The following A1CF variants were observed in gnomAD, a reference collection of about 807,000 sequenced individuals.
A1CF encodes the protein APOBEC1 complementation factor, also known as APOBEC-1 stimulating protein.
Under a neutral mutation model 68.9 loss-of-function variants are expected in A1CF, and 48 were observed. The observed-to-expected ratio is 0.70, with a 90% confidence interval of 0.55 to 0.89. The LOEUF (loss-of-function observed/expected upper bound fraction) is 0.89, where lower values mean the gene tolerates loss of function less well. Ranked by LOEUF, A1CF falls within the 40% of genes least tolerant of loss-of-function variation. A1CF has a pLI of 0.00. For synonymous variants in A1CF, 272 were observed against 260.4 expected, an observed-to-expected ratio of 1.04 and a Z score of -0.43; for missense variants, 653 against 718.9, an observed-to-expected ratio of 0.91 and a Z score of 1.05.
At chr10:50,815,755 G>A (rs2132335604) in intron 9 of A1CF, among the ~76,000 whole-genome samples, 1 of 152,220 alleles carries the variant, frequency 6.6e-6, no homozygotes, top group East Asian at 1.9e-4. Flanking sequence ...AAATTTTATG[G>A]GCCCATGCAA....
In A1CF at chr10:50,816,126, A is replaced by G; in HGVS notation, c.1021T>C (p.Tyr341His). The G allele has an allele frequency of 6.2e-7, 1 of 1,613,796 alleles. No homozygotes were observed. Among genetic ancestry groups the G allele is most frequent in the Non-Finnish European group, 8.5e-7 (1 of 1,179,860 alleles). ...LGQVYDPTTT[Y>H]LGAPVFYAPQ... ...GCATAGAAGACAGGAGCTCCAAGGTAGGTTGTGGTGGGATCATAAACTTGG... is the reference window on the plus strand; with the variant it reads ...GCATAGAAGACAGGAGCTCCAAGGTGGGTTGTGGTGGGATCATAAACTTGG... The change falls in exon 9 of 13, where the codon TAC becomes CAC. Residue 341 changes from tyrosine (Y) to histidine (H), a missense_variant. Transcript: ENST00000373997.
chr10:50,873,764 G>A (rs1841379690), intron 1 of A1CF, among the ~76,000 whole-genome samples: 1 of 151,998 alleles, frequency 6.6e-6, no homozygotes, highest in Non-Finnish European at 1.5e-5. Context: ...ATCCTATATG[G>A]AATCATTCTA....
At position 50,811,062 on chromosome 10, in the gene A1CF, G is replaced by C; in HGVS notation, c.1438C>G (p.Leu480Val). ...CACATTGCAGGATTCTGGCTGGCTA[G>C]AGCAGGAATAGTTATTTTGTACAAG... ...LFLYKITIPA[L>V]ASQNPAIHPF... is the part of the protein sequence containing the mutation. The change falls in exon 11 of 13, where the codon CTA becomes GTA. Residue 480 changes from leucine (L) to valine (V), a missense_variant. By Grantham distance (32) the Leu-to-Val change is conservative. Transcript: ENST00000373997. 6.2e-7 allele frequency: 1 copy of C among 1,613,328 alleles called. No homozygotes were observed. The highest frequency in any genetic ancestry group is 8.5e-7 in the Non-Finnish European group (1 of 1,179,492).
intron 3 of A1CF, among the ~76,000 whole-genome samples, chr10:50,857,186 G>A (rs964976856): frequency 8.5e-5 from 13 of 152,148 alleles, no homozygotes; most frequent in Admixed American, 5.9e-4. Context: ...TAAAATTGGT[G>A]CATAATAATT....
intron 1 of A1CF, among the ~76,000 whole-genome samples, chr10:50,877,666 C>A (rs896400733): frequency 6.6e-6 from 1 of 152,218 alleles, no homozygotes; most frequent in African/African-American, 2.4e-5. Context: ...CTGATCTTTT[C>A]TTTCATAGTG....
At chr10:50,848,344 A>T (rs1369913776) in intron 3 of A1CF, among the ~76,000 whole-genome samples, 1 of 152,234 alleles carries the variant, frequency 6.6e-6, no homozygotes, top group Non-Finnish European at 1.5e-5. Context: ...AAAAGACTAG[A>T]ATAAAGGTCC....
rs143123872 is a variant in A1CF at position 50,836,218 on chromosome 10, A to G, written c.460T>C (p.Ser154Pro). 1,424 of 1,613,994 alleles carry G rather than the reference A, an allele frequency of 8.8e-4. 7 individuals are homozygous for G. Among genetic ancestry groups the G allele is most frequent in the South Asian group, 4.2e-3 (386 of 91,078 alleles). ...PKTKKREEIL[S>P]EMKKVTEGVV... ...CCTTCAGTAACCTTTTTCATCTCCG[A>G]TAAGATTTCTTCTCTCTTTTTGGTT... The change falls in exon 6 of 13, where the codon TCG (serine) becomes CCG (proline). Residue 154 changes from serine (S) to proline (P), a missense_variant. Physicochemically the swap from Ser to Pro is moderately conservative, Grantham distance 74. Transcript: ENST00000373997.
chr10:50,841,956 A>C lies in A1CF; in HGVS notation c.271T>G (p.Phe91Val), dbSNP rs1358129944. Residue 91 changes from phenylalanine (F) to valine (V), a missense_variant, in exon 5 of 13, where the codon TTT becomes GTT. Transcript: ENST00000373997. ...GCATATCCTCTATTGTTGCCATTAA[A>C]ATCCATCATCATTCTCATTTCATAA... ...KIYEMRMMMD[F>V]NGNNRGYAFV... 6.2e-7 allele frequency: 1 copy of C among 1,611,272 alleles called. No individual in the cohort carries two copies. Among genetic ancestry groups the C allele is most frequent in the Admixed American group, 1.7e-5 (1 of 59,822 alleles).
In A1CF at chr10:50,810,001, T is replaced by C; in HGVS notation, c.1502A>G (p.Glu501Gly). ...TPPKLSAFVD[E>G]AKTYAAEYTL... ...GTATTCGGCTGCATACGTCTTTGCT[T>C]CATCCACAAAGGCACTCAGCTTTGG... Residue 501 changes from glutamate to glycine, a missense_variant, in exon 12 of 13, where the codon GAA (glutamate) becomes GGA (glycine). Glu to Gly is a moderately conservative substitution (Grantham distance 98). Coordinates refer to ENST00000373997, the MANE Select transcript of A1CF (RefSeq NM_014576.4). The C allele has an allele frequency of 6.2e-7, 1 of 1,613,968 alleles. No individual in the cohort carries two copies. Among genetic ancestry groups the C allele is most frequent in the South Asian group, 1.1e-5 (1 of 91,070 alleles).
At chr10:50,857,450 A>T (rs1564525143) in intron 3 of A1CF, among the ~76,000 whole-genome samples, 1 of 152,178 alleles carries the variant, frequency 6.6e-6, no homozygotes, top group Non-Finnish European at 1.5e-5. Context: ...TTCCATTGTT[A>T]ACTGTCACCC....
At chr10:50,884,608 A>G (rs192141946) in intron 1 of A1CF, among the ~76,000 whole-genome samples, 8 of 152,370 alleles carry the variant, frequency 5.3e-5, no homozygotes, top group African/African-American at 1.2e-4. Flanking sequence ...ATTTGCCAAA[A>G]TACGATCTAT....
chr10:50,819,421 C>A (rs1012016563), intron 8 of A1CF, among the ~76,000 whole-genome samples: 2 of 152,000 alleles, frequency 1.3e-5, no homozygotes, highest in African/African-American at 4.8e-5. Context: ...CTGCACCCAG[C>A]AACTTCTTGC....
intron 10 of A1CF, among the ~76,000 whole-genome samples, chr10:50,812,936 A>G (rs751985340): frequency 2.6e-5 from 4 of 152,224 alleles, no homozygotes; most frequent in Non-Finnish European, 5.9e-5. Context: ...TGTGCATAAA[A>G]GAAAGCCAGA....
intron 12 of A1CF, among the ~76,000 whole-genome samples, chr10:50,808,867 G>A (rs554993290): frequency 2.0e-5 from 3 of 152,134 alleles, no homozygotes; most frequent in Non-Finnish European, 2.9e-5. Context: ...TCACACCTAC[G>A]CATGGCCAAT....
At chr10:50,841,445 G>C (rs1201064630) in intron 5 of A1CF, among the ~76,000 whole-genome samples, 1 of 152,172 alleles carries the variant, frequency 6.6e-6, no homozygotes, top group Non-Finnish European at 1.5e-5. Context: ...CTCTGCCAGA[G>C]AGTATTTTCT....
At chr10:50,855,452 A>AT (rs1232957506) in intron 3 of A1CF, among the ~76,000 whole-genome samples, 20 of 151,882 alleles carry the variant, frequency 1.3e-4, no homozygotes, top group Non-Finnish European at 2.4e-4. Context: ...ATATTATACA[A>AT]TTTTCAACAA....
intron 1 of A1CF, among the ~76,000 whole-genome samples, chr10:50,878,714 T>C (rs535624244): frequency 1.3e-5 from 2 of 152,232 alleles, no homozygotes; most frequent in Non-Finnish European, 2.9e-5. Context: ...CCAGGCATTA[T>C]AGGTTTTTCT....
intron 2 of A1CF, among the ~76,000 whole-genome samples, chr10:50,860,377 G>A (rs1840688648): frequency 6.6e-6 from 1 of 152,158 alleles, no homozygotes; most frequent in African/African-American, 2.4e-5. Flanking sequence ...ACTAAGATAA[G>A]AAATCAGAAT....
chr10:50,818,828 C>A (rs1324942817), intron 8 of A1CF, among the ~76,000 whole-genome samples: 2 of 152,226 alleles, frequency 1.3e-5, no homozygotes, highest in East Asian at 1.9e-4. Flanking sequence ...ATGCAAGAGG[C>A]TCCACAGTGT....
Sources: gnomAD v4.1 joint callset for allele counts (sites outside exome capture counted in the v4.1 genomes callset) on GRCh38, gnomAD v4.1.1 for gene constraint, MANE v1.5 for transcripts, NCBI Gene and HGNC (gene_info 2026-07-23, HGNC 2026-07-21) for gene names.